DMD: variants seen among roughly 807,000 people sequenced by gnomAD.
DMD encodes the protein dystrophin, also known as mutant dystrophin.
A neutral mutation model predicts 330.1 loss-of-function variants in DMD; 63 were observed. That is an observed-to-expected ratio of 0.19 (90% CI 0.16 to 0.24). The LOEUF is 0.24. Ranked by LOEUF, DMD falls within the 10% of genes least tolerant of loss-of-function variation. DMD has a pLI of 1.00. For synonymous variants in DMD, 1,223 were observed against 959.8 expected (o/e 1.27, Z -5.07); for missense variants, 3,344 against 2,684.1 (o/e 1.25, Z -5.43).
At chrX:31,670,795 A>AACTT (rs2081720695) in intron 53 of DMD, among the ~76,000 whole-genome samples, 1 of 111,443 alleles carries the variant, frequency 9.0e-6, no homozygotes, top group South Asian at 3.8e-4. Flanking sequence ...ATACCATCTT[A>AACTT]ACTTGACTGC....
At chrX:32,686,904 A>AT (rs892327380) in intron 9 of DMD, among the ~76,000 whole-genome samples, 1 of 111,478 alleles carries the variant, frequency 9.0e-6, no homozygotes, top group Non-Finnish European at 1.9e-5. Flanking sequence ...AAAATTCAGG[A>AT]TATCAGGATC....
At chrX:32,108,933 T>C (rs1339494219) in intron 44 of DMD, among the ~76,000 whole-genome samples, 2 of 111,730 alleles carry the variant, frequency 1.8e-5, no homozygotes, top group Non-Finnish European at 3.8e-5. Flanking sequence ...TTAAAATTCA[T>C]ATTTATATAA....
intron 74 of DMD, among the ~76,000 whole-genome samples, chrX:31,156,528 G>C (rs147592366): frequency 0.014 from 1,548 of 111,393 alleles, 38 homozygotes; most frequent in African/African-American, 0.048. Flanking sequence ...AGAAGATCTT[G>C]ATTTATGACT....
chrX:31,259,064 G>A (rs767080173), intron 63 of DMD, among the ~76,000 whole-genome samples: 25 of 111,295 alleles, frequency 2.2e-4, no homozygotes, highest in African/African-American at 7.2e-4. Flanking sequence ...CTAAGAAGTG[G>A]GGTTACGAAT....
At chrX:31,493,318 G>C (rs1267968498) in intron 57 of DMD, among the ~76,000 whole-genome samples, 1 of 112,177 alleles carries the variant, frequency 8.9e-6, no homozygotes, top group Non-Finnish European at 1.9e-5. Flanking sequence ...TGTACGTGAT[G>C]ACAAACAACG....
At chrX:32,269,267 C>T (rs1247590946) in intron 43 of DMD, among the ~76,000 whole-genome samples, 1 of 111,134 alleles carries the variant, frequency 9.0e-6, no homozygotes, top group African/African-American at 3.3e-5. Flanking sequence ...CAGATAGCCC[C>T]CTACCCCAAG....
chrX:31,698,895 A>C (rs544915301), intron 52 of DMD, among the ~76,000 whole-genome samples: 3 of 112,127 alleles, frequency 2.7e-5, no homozygotes, highest in African/African-American at 6.5e-5. Flanking sequence ...GAAACAGCCA[A>C]GCATTTTGGT....
chrX:32,328,345 G>A (rs2097661748), intron 41 of DMD, among the ~76,000 whole-genome samples: 1 of 111,539 alleles, frequency 9.0e-6, no homozygotes, highest in Non-Finnish European at 1.9e-5. Context: ...TACCATTTTG[G>A]TACCTTTATT....
chrX:31,557,465 T>C (rs1363479059), intron 55 of DMD, among the ~76,000 whole-genome samples: 1 of 111,971 alleles, frequency 8.9e-6, no homozygotes, highest in African/African-American at 3.2e-5. Context: ...TACAGACTTA[T>C]GCACAACTGT....
At chrX:32,815,758 T>C (rs2077714286) in intron 6 of DMD, among the ~76,000 whole-genome samples, 1 of 110,211 alleles carries the variant, frequency 9.1e-6, no homozygotes, top group African/African-American at 3.3e-5. Context: ...TTAAGGACTT[T>C]GGTTCACTGT....
intron 61 of DMD, among the ~76,000 whole-genome samples, chrX:31,327,449 G>A (rs1312725629): frequency 8.9e-6 from 1 of 112,064 alleles, no homozygotes; most frequent in Non-Finnish European, 1.9e-5. Context: ...AATGTTCCAA[G>A]TGATGCACCC....
At position 32,503,619 on chromosome X, in the gene DMD, G is replaced by GCA. The variant is rs1178982248; in HGVS notation, c.2293-1778_2293-1777insTG. On this transcript the variant is annotated intron_variant, in intron 18 of 78. Coordinates refer to ENST00000357033, the MANE Select transcript of DMD (RefSeq NM_004006.3). ...CGCCCAGGCTGGAGTGCAGTGGCAT[G>GCA]ATCTCAGCTCACTGCAACCTCTGCC... Among the ~76,000 whole-genome samples the GCA allele has an allele frequency of 1.3e-4, 14 of 111,348 alleles. 1 individual carries two copies. The highest frequency in any genetic ancestry group is 3.3e-4 in the African/African-American group (10 of 30,588).
chrX:32,565,232 A>C (rs1206134713), intron 16 of DMD, among the ~76,000 whole-genome samples: 2 of 111,845 alleles, frequency 1.8e-5, no homozygotes, highest in Non-Finnish European at 3.8e-5. Context: ...TCAGATAATT[A>C]ACTACACTAA....
intron 48 of DMD, among the ~76,000 whole-genome samples, chrX:31,847,368 T>C (rs1294235970): frequency 2.7e-5 from 3 of 111,582 alleles, no homozygotes; most frequent in East Asian, 2.8e-4. Flanking sequence ...GCACCTTTGA[T>C]AGATCACTTT....
Position 32,777,496 on chromosome X carries a change from T to C in DMD, c.649+31997A>G, listed in dbSNP as rs183689056. ...ATCATTTTCCATGTATTCTCATTCT[T>C]ACTGTTATTATTTCAGTCATTGGGG... On this transcript the variant is annotated intron_variant, in intron 7 of 78. Coordinates refer to ENST00000357033, the MANE Select transcript of DMD (RefSeq NM_004006.3). 6.4e-4 allele frequency among the ~76,000 whole-genome samples: 71 copies of C among 110,985 alleles called. No individual in the cohort carries two copies. In the East Asian group the frequency reaches 0.015, roughly 23 times the overall value.
intron 57 of DMD, among the ~76,000 whole-genome samples, chrX:31,486,001 C>CA (rs1272560906): frequency 1.8e-5 from 2 of 112,136 alleles, no homozygotes; most frequent in African/African-American, 6.5e-5. Context: ...AACCTGGCTG[C>CA]AGTGATCCAG....
intron 50 of DMD, among the ~76,000 whole-genome samples, chrX:31,799,739 G>A (rs988387869): frequency 2.7e-5 from 3 of 111,979 alleles, no homozygotes; most frequent in Admixed American, 9.4e-5. Flanking sequence ...AGTCCCATCC[G>A]CCTATGAGCC....
intron 41 of DMD, among the ~76,000 whole-genome samples, chrX:32,329,263 G>C (rs915570654): frequency 8.9e-6 from 1 of 112,327 alleles, no homozygotes; most frequent in African/African-American, 3.2e-5. Context: ...ATGATGGTAA[G>C]GATAGAATGG....
At chrX:32,271,623 G>C (rs966075733) in intron 43 of DMD, among the ~76,000 whole-genome samples, 2 of 112,773 alleles carry the variant, frequency 1.8e-5, no homozygotes, top group Non-Finnish European at 3.8e-5. Flanking sequence ...AATAGAAGGT[G>C]AAACAAGCAA....
Sources: gnomAD v4.1 joint callset for allele counts (sites outside exome capture counted in the v4.1 genomes callset) on GRCh38, gnomAD v4.1.1 for gene constraint, MANE v1.5 for transcripts, NCBI Gene and HGNC (gene_info 2026-07-23, HGNC 2026-07-21) for gene names.